The following PRSS23 variants were observed in gnomAD, a reference collection of about 807,000 sequenced individuals.
The protein encoded by PRSS23 is protease, serine 23.
PRSS23 carries 25 observed loss-of-function variants against 34.7 expected under a neutral mutation model. The ratio of observed to expected loss-of-function variants is 0.72; its 90% confidence interval spans 0.53 to 1.01. The LOEUF is 1.01. Among genes scored for constraint, PRSS23 ranks in the 50% least tolerant of loss-of-function variants. The pLI is 0.00. For synonymous variants in PRSS23, 176 were observed against 186.6 expected, an observed-to-expected ratio of 0.94 and a Z score of 0.46; for missense variants, 445 against 475.6, an observed-to-expected ratio of 0.94 and a Z score of 0.60.
chr11:86,934,855 C>A (rs1293070404), intron 2 of PRSS23: 1 of 152,178 alleles, frequency 6.6e-6, no homozygotes, highest in Non-Finnish European at 1.5e-5. Context: ...CTAAACTATC[C>A]CTGAACCATG....
intron 2 of PRSS23, chr11:86,924,850 T>G (rs1244507222): frequency 6.6e-6 from 1 of 152,222 alleles, no homozygotes; most frequent in African/African-American, 2.4e-5. Flanking sequence ...CCTCCTACCC[T>G]CTGCCTCTTC....
exon 3 of PRSS23, chr11:86,951,690 C>A (rs777565148): frequency 1.9e-6 from 3 of 1,613,998 alleles, no homozygotes; most frequent in South Asian, 1.1e-5. Flanking sequence ...GTTTTCACTG[C>A]GGGGATGGCC....
chr11:86,947,872 AG>A (rs2135034575), intron 2 of PRSS23: 1 of 152,360 alleles, frequency 6.6e-6, no homozygotes, highest in East Asian at 1.9e-4. Flanking sequence ...GGGATTTCTG[AG>A]GAAGCTACAA....
intron 2 of PRSS23, among the ~76,000 whole-genome samples, chr11:86,929,617 A>G (rs567924917): frequency 6.6e-6 from 1 of 152,380 alleles, no homozygotes; most frequent in East Asian, 1.9e-4. Flanking sequence ...TGACAAAGCG[A>G]GACTCCGTCT....
intron 1 of PRSS23, among the ~76,000 whole-genome samples, chr11:86,805,465 C>A (rs1948089858): frequency 6.6e-6 from 1 of 152,208 alleles, no homozygotes; most frequent in South Asian, 2.1e-4. Flanking sequence ...CATATGCGGG[C>A]ACCCCATGTT....
chr11:86,803,633 A>C (rs1948065880), intron 1 of PRSS23, among the ~76,000 whole-genome samples: 1 of 152,120 alleles, frequency 6.6e-6, no homozygotes, highest in Non-Finnish European at 1.5e-5. Context: ...AAAGACCCTT[A>C]ATGGACAGGA....
At chr11:86,847,077 G>C (rs547755392) in intron 2 of PRSS23, among the ~76,000 whole-genome samples, 1 of 152,310 alleles carries the variant, frequency 6.6e-6, no homozygotes, top group African/African-American at 2.4e-5. Context: ...AATGTAGTCA[G>C]TTGGGACACA....
At chr11:86,916,164 A>G (rs1949011441) in intron 2 of PRSS23, among the ~76,000 whole-genome samples, 1 of 152,260 alleles carries the variant, frequency 6.6e-6, no homozygotes, top group Non-Finnish European at 1.5e-5. Context: ...ATATTTAAAA[A>G]GAAAGTTTAT....
At chr11:86,840,706 G>A (rs1340933026) in intron 2 of PRSS23, among the ~76,000 whole-genome samples, 1 of 152,126 alleles carries the variant, frequency 6.6e-6, no homozygotes, top group Admixed American at 6.5e-5. Context: ...CCACATAATT[G>A]GAAGTAAAAC....
At chr11:86,830,924 A>T (rs980118442) in intron 2 of PRSS23, among the ~76,000 whole-genome samples, 2 of 151,882 alleles carry the variant, frequency 1.3e-5, no homozygotes, top group Non-Finnish European at 2.9e-5. Context: ...TTACTTTTAA[A>T]GTCACAGGGG....
At chr11:86,816,271 A>G in intron 1 of PRSS23, among the ~76,000 whole-genome samples, 1 of 152,140 alleles carries the variant, frequency 6.6e-6, no homozygotes, top group East Asian at 1.9e-4. Flanking sequence ...GGTGCCAGTC[A>G]CTGTGTTCAC....
At chr11:86,866,873 C>G (rs112411470) in intron 2 of PRSS23, among the ~76,000 whole-genome samples, 84 of 152,348 alleles carry the variant, frequency 5.5e-4, no homozygotes, top group African/African-American at 1.9e-3. Context: ...AGCTCCCTTT[C>G]ACCTTCTGCC....
chr11:86,801,903 G>T (rs1365600311), intron 1 of PRSS23, among the ~76,000 whole-genome samples: 1 of 152,122 alleles, frequency 6.6e-6, no homozygotes, highest in South Asian at 2.1e-4. Flanking sequence ...AAAGTCAAGC[G>T]GTAACTTGTC....
intron 2 of PRSS23, among the ~76,000 whole-genome samples, chr11:86,834,649 G>T (rs916208154): frequency 4.1e-5 from 6 of 147,062 alleles, no homozygotes; most frequent in African/African-American, 1.3e-4. Context: ...CACCTCTTTA[G>T]GTTGCTGTAC....
At chr11:86,901,490 A>G (rs1167298759) in intron 2 of PRSS23, among the ~76,000 whole-genome samples, 1 of 152,166 alleles carries the variant, frequency 6.6e-6, no homozygotes, top group Non-Finnish European at 1.5e-5. Flanking sequence ...ATTGAATTAC[A>G]GTCAAAATGG....
intron 2 of PRSS23, chr11:86,948,876 T>A (rs1367895626): frequency 6.5e-6 from 1 of 152,722 alleles, no homozygotes; most frequent in Admixed American, 6.5e-5. Flanking sequence ...CTGGTCTTCC[T>A]TCCCCTGCCT....
intron 2 of PRSS23, among the ~76,000 whole-genome samples, chr11:86,939,426 A>ATATATATATATATTTTTTTTTT: frequency 3.2e-5 from 3 of 94,076 alleles, no homozygotes; most frequent in East Asian, 3.0e-4. Flanking sequence ...ATATATATAT[A>ATATATATATATATTTTTTTTTT]TTTTTTAACA....
At chr11:86,857,656 T>G (rs532535285) in intron 2 of PRSS23, 2 of 536,704 alleles carry the variant, frequency 3.7e-6, no homozygotes, top group South Asian at 2.9e-5. Context: ...AAATCGGTCA[T>G]AGGCCATCAG....
intron 2 of PRSS23, among the ~76,000 whole-genome samples, chr11:86,831,970 C>T (rs1948360374): frequency 1.3e-5 from 2 of 151,716 alleles, no homozygotes; most frequent in Admixed American, 6.6e-5. Context: ...TTCGTAATAT[C>T]CTAGGGGGAC....
Sources: gnomAD v4.1 joint callset for allele counts (sites outside exome capture counted in the v4.1 genomes callset) on GRCh38, gnomAD v4.1.1 for gene constraint, MANE v1.5 for transcripts, NCBI Gene and HGNC (gene_info 2026-07-23, HGNC 2026-07-21) for gene names.